SLC35A3: variants seen among roughly 807,000 people sequenced by gnomAD.
SLC35A3 encodes the protein UDP-N-acetylglucosamine transporter.
In SLC35A3, 26 loss-of-function variants were observed where a neutral mutation model predicts 39.0. The observed-to-expected ratio is 0.67, with a 90% CI of 0.49 to 0.92. The LOEUF (loss-of-function observed/expected upper bound fraction) is 0.92. Ranked by LOEUF, SLC35A3 falls within the 40% of genes least tolerant of loss-of-function variation. The probability of loss-of-function intolerance (pLI) is 0.00; values close to 1 mark genes in which losing one functional copy is unlikely to be tolerated. For missense variants in SLC35A3, 299 were observed against 371.6 expected (o/e 0.80, Z 1.61); for synonymous variants, 135 against 133.1 (o/e 1.01, Z -0.10).
chr1:99,988,862 G>A (rs1361350723), intron 1 of SLC35A3, among the ~76,000 whole-genome samples: 1 of 151,916 alleles, frequency 6.6e-6, no homozygotes, highest in Non-Finnish European at 1.5e-5. Flanking sequence ...AACTTCCTGG[G>A]CTCAAGCCAT....
At chr1:99,994,025 A>G (rs986417856) in intron 2 of SLC35A3, among the ~76,000 whole-genome samples, 3 of 151,966 alleles carry the variant, frequency 2.0e-5, no homozygotes, top group African/African-American at 7.2e-5. Context: ...TACTGTTAGA[A>G]CTCTAGAAGA....
intron 1 of SLC35A3, among the ~76,000 whole-genome samples, chr1:99,982,080 C>T (rs904355033): frequency 4.0e-5 from 6 of 150,404 alleles, no homozygotes; most frequent in Non-Finnish European, 1.5e-5. Context: ...TCTCAGCTCA[C>T]TGCAACCTCC....
chr1:99,999,443 T>TA (rs1229065897), intron 3 of SLC35A3, 28 bp downstream of exon 3: 4 of 1,515,178 alleles, frequency 2.6e-6, no homozygotes, highest in Non-Finnish European at 3.6e-6. Flanking sequence ...CTTTCTTTTT[T>TA]AAAAAAACTT....
At chr1:99,971,556 C>T (rs1656814529) in intron 1 of SLC35A3, among the ~76,000 whole-genome samples, 1 of 152,214 alleles carries the variant, frequency 6.6e-6, no homozygotes. Context: ...ATCCACCCAC[C>T]TCGGCCTCTC....
At chr1:99,997,981 T>C (rs139018484) in intron 2 of SLC35A3, among the ~76,000 whole-genome samples, 7 of 152,170 alleles carry the variant, frequency 4.6e-5, no homozygotes, top group African/African-American at 1.4e-4. Flanking sequence ...CTTTTTTTCC[T>C]CTCCTGGTTG....
At position 100,015,312 on chromosome 1, in the gene SLC35A3, A is replaced by T. The variant is rs2101423658; in HGVS notation, c.645A>T (p.Gly215=). The T allele has an allele frequency of 5.0e-6, 8 of 1,601,554 alleles. No individual in the cohort carries two copies. The highest frequency in any genetic ancestry group is 1.3e-5 in the African/African-American group (1 of 74,244). ...WIRNIQLGFF[G]SIFGLMGVYI... ...TTTACTTTTTTTTAGGTTTCTTTGG[A>T]AGTATATTTGGATTAATGGGTGTAT... Residue 215 remains glycine, a synonymous_variant, in exon 6 of 8, where the codon GGA becomes GGT. Transcript: ENST00000533028.
chr1:99,997,073 G>A (rs1433780795), intron 2 of SLC35A3, among the ~76,000 whole-genome samples: 2 of 151,518 alleles, frequency 1.3e-5, no homozygotes, highest in Non-Finnish European at 1.5e-5. Context: ...AGGATCTTTG[G>A]CCATTTTTCA....
chr1:100,010,809 A>T (rs1388428856), intron 4 of SLC35A3, among the ~76,000 whole-genome samples: 2 of 152,226 alleles, frequency 1.3e-5, no homozygotes, highest in African/African-American at 4.8e-5. Flanking sequence ...TCTAAGCCAT[A>T]GGGTACTATC....
At chr1:100,006,616 A>C (rs1300891532) in intron 3 of SLC35A3, among the ~76,000 whole-genome samples, 1 of 152,114 alleles carries the variant, frequency 6.6e-6, no homozygotes, top group Non-Finnish European at 1.5e-5. Context: ...CTCGTTTTCA[A>C]GTCCCTGGAG....
intron 1 of SLC35A3, among the ~76,000 whole-genome samples, chr1:99,983,135 C>G (rs1657551557): frequency 6.6e-6 from 1 of 152,028 alleles, no homozygotes; most frequent in Non-Finnish European, 1.5e-5. Context: ...TTATGTGGAA[C>G]TTTTAGAAAA....
At chr1:100,011,015 A>G (rs1416691874) in intron 4 of SLC35A3, among the ~76,000 whole-genome samples, 1 of 152,210 alleles carries the variant, frequency 6.6e-6, no homozygotes, top group Admixed American at 6.5e-5. Context: ...CTGACACAGC[A>G]GAGGGGATGT....
Position 100,027,242 on chromosome 1 carries a change from A to G in SLC35A3, c.*4766A>G, listed in dbSNP as rs1244211108. ...CAAGGCAGAAGAATCGCTTGAGCCC[A>G]TGAATTTGAGGCCAGCCTGGGCAAC... is the stretch of plus-strand genomic sequence containing the variant. On this transcript the variant is annotated 3_prime_UTR_variant, in exon 8 of 8. Transcript: ENST00000533028. 2.2e-4 allele frequency: 88 copies of G among 398,492 alleles called. 1 individual carries two copies. In the East Asian group the frequency reaches 3.1e-3, roughly 14 times the overall value. The allele number at this position is 398,492 out of a possible 1,614,324, so 24.7% of individuals were successfully genotyped here.
intron 1 of SLC35A3, among the ~76,000 whole-genome samples, chr1:99,987,882 CT>C (rs1310170469): frequency 6.6e-6 from 1 of 152,106 alleles, no homozygotes; most frequent in Non-Finnish European, 1.5e-5. Context: ...ACAGAATGTC[CT>C]TAGAATTAAT....
intron 7 of SLC35A3, among the ~76,000 whole-genome samples, chr1:100,019,195 G>A (rs1660360976): frequency 2.0e-5 from 3 of 151,262 alleles, no homozygotes; most frequent in South Asian, 2.1e-4. Flanking sequence ...GTAAGGCCGA[G>A]GTAATTAAAT....
chr1:99,987,726 T>G (rs924995103), intron 1 of SLC35A3, among the ~76,000 whole-genome samples: 1 of 152,182 alleles, frequency 6.6e-6, no homozygotes, highest in Non-Finnish European at 1.5e-5. Context: ...TAAACCATGG[T>G]AGCTTGGTTG....
Position 100,030,764 on chromosome 1 carries a change from GTTTTA to G in SLC35A3, c.*8296_*8300del, listed in dbSNP as rs1661173733. On this transcript the variant is annotated 3_prime_UTR_variant, in exon 8 of 8. Transcript: ENST00000533028. ...ATTAAGTTTTTCCCTTTAGGCTAAA[GTTTTA>G]TTTTATTCTGCTTGGATAGTAAATA... The G allele has an allele frequency of 1.3e-5, 2 of 152,258 alleles. No individual in the cohort carries two copies. Among genetic ancestry groups the G allele is most frequent in the Non-Finnish European group, 2.9e-5 (2 of 68,004 alleles). 9.4% of individuals were successfully genotyped at this position (152,258 alleles called of 1,614,324 possible).
At chr1:100,014,708 A>G (rs1010511192) in intron 5 of SLC35A3, among the ~76,000 whole-genome samples, 15 of 152,180 alleles carry the variant, frequency 9.9e-5, no homozygotes, top group African/African-American at 3.4e-4. Context: ...TAATTTGTGC[A>G]TTGTATTATT....
chr1:100,015,206 AAAGTT>A, intron 5 of SLC35A3, 91 bp from the exon 6 acceptor site: 1 of 1,200,444 alleles, frequency 8.3e-7, no homozygotes, highest in South Asian at 2.2e-5. Flanking sequence ...TCAAAAAGAA[AAAGTT>A]AAGTGTAAAA....
rs560284820 is a variant in SLC35A3 at position 99,980,049 on chromosome 1, C to A, written c.-19+9887C>A. The stretch of plus-strand genomic sequence containing the variant: ...ACAGAGCAAGACTCTGTCTCTCTCT[C>A]TCTATATATATGTATATATATTCCA... On this transcript the variant is annotated intron_variant, in intron 1 of 7. Transcript: ENST00000533028. Among the ~76,000 whole-genome samples the A allele has an allele frequency of 2.3e-3, 344 of 150,962 alleles. 3 individuals carry two copies. The highest frequency in any genetic ancestry group is 8.0e-3 in the African/African-American group (329 of 40,882).
Sources: gnomAD v4.1 joint callset for allele counts (sites outside exome capture counted in the v4.1 genomes callset) on GRCh38, gnomAD v4.1.1 for gene constraint, MANE v1.5 for transcripts, NCBI Gene and HGNC (gene_info 2026-07-23, HGNC 2026-07-21) for gene names.